Variants in ZIM2 observed in about 807,000 individuals in gnomAD.
ZIM2 encodes zinc finger protein 656.
Under a neutral mutation model 38.6 loss-of-function variants are expected in ZIM2, and 14 were observed. That is an observed-to-expected ratio of 0.36 (90% CI 0.24 to 0.57). The LOEUF (loss-of-function observed/expected upper bound fraction) is 0.57. Among genes scored for constraint, ZIM2 ranks in the 20% least tolerant of loss-of-function variants. ZIM2 has a pLI of 0.81. For synonymous variants in ZIM2, 247 were observed against 245.8 expected (o/e 1.00, Z -0.04); for missense variants, 680 against 695.1 (o/e 0.98, Z 0.24).
Position 56,814,243 on chromosome 19 carries a change from T to G in ZIM2, c.490+3503A>C. The G allele has an allele frequency of 6.2e-7, 1 of 1,613,440 alleles. No individual in the cohort carries two copies. Among genetic ancestry groups the G allele is most frequent in the Non-Finnish European group, 8.5e-7 (1 of 1,179,924 alleles). ...AGCCTCCACTTCTGGCTCGGCAGCC[T>G]CCACTTCTGGCTCAGCAGCCTCTAC... On this transcript the variant is annotated intron_variant, in intron 9 of 12. Transcript: ENST00000629319. This position sits in a 1 kb window ranked among gnomAD's most constrained non-coding sequence, Gnocchi z 5.8.
At chr19:56,787,694 A>G (rs1043256210) in intron 10 of ZIM2, among the ~76,000 whole-genome samples, 7 of 147,466 alleles carry the variant, frequency 4.7e-5, no homozygotes, top group Non-Finnish European at 8.9e-5. Context: ...TCGGCTGTCA[A>G]TCTGTCTGGT....
rs985432407 is a variant in ZIM2, at chr19:56,782,549, A to G, written c.571-428T>C. The stretch of plus-strand genomic sequence containing the variant: ...CAAGGAGATGAAAATCAAAATGACA[A>G]AATACCATTTTATACCCATTCAATT... On this transcript the variant is annotated intron_variant, in intron 10 of 12. Coordinates refer to ENST00000629319, the MANE Select transcript of ZIM2 (RefSeq NM_001387356.1). The G allele has an allele frequency of 1.4e-5, 6 of 433,246 alleles. No individual in the cohort carries two copies. The East Asian group carries it at 4.2e-4, about 31-fold the overall frequency. The allele number at this position is 433,246 out of a possible 1,614,324, so 26.8% of individuals were successfully genotyped here. A position where few individuals can be genotyped will look rare whatever the true frequency, so the allele number is the denominator to read the frequency against.
At chr19:56,780,238 CT>C in intron 11 of ZIM2, among the ~76,000 whole-genome samples, 1 of 134,276 alleles carries the variant, frequency 7.4e-6, no homozygotes, top group African/African-American at 2.8e-5. Context: ...TGCTTATTTT[CT>C]TTTTTCTTTT....
chr19:56,821,509 G>A (rs2060483621), intron 7 of ZIM2, 142 bp downstream of exon 7: 1 of 979,420 alleles, frequency 1.0e-6, no homozygotes, highest in African/African-American at 1.6e-5. Context: ...TAAGGGATGG[G>A]CCCGGGCTCC....
chr19:56,795,796 G>A (rs1207871854), intron 9 of ZIM2, among the ~76,000 whole-genome samples: 1 of 152,068 alleles, frequency 6.6e-6, no homozygotes, highest in Non-Finnish European at 1.5e-5. Flanking sequence ...AGCCGAGATC[G>A]CGCCACTGCA....
intron 8 of ZIM2, 33 bp from the exon 9 acceptor site, chr19:56,817,871 C>G: frequency 6.5e-7 from 1 of 1,538,834 alleles, no homozygotes; most frequent in Non-Finnish European, 9.0e-7. Context: ...GCCTCAAATT[C>G]AAGTTGAGGA....
intron 9 of ZIM2, among the ~76,000 whole-genome samples, chr19:56,803,263 T>C (rs1411101629): frequency 1.3e-5 from 2 of 152,186 alleles, no homozygotes; most frequent in Non-Finnish European, 2.9e-5. Context: ...CATCTGAAGA[T>C]GGTTACCTAT....
intron 4 of ZIM2, among the ~76,000 whole-genome samples, chr19:56,823,942 C>T (rs1299234730): frequency 6.6e-6 from 1 of 152,122 alleles, no homozygotes; most frequent in Non-Finnish European, 1.5e-5. Flanking sequence ...TAGCACACCA[C>T]ACCAAAAAGG....
chr19:56,785,348 A>G (rs548418446), intron 10 of ZIM2, among the ~76,000 whole-genome samples: 1 of 152,142 alleles, frequency 6.6e-6, no homozygotes, highest in Non-Finnish European at 1.5e-5. Context: ...ATATTCTAGA[A>G]CAGTGTTTCT....
rs369100488 is a variant in ZIM2 at position 56,779,444 on chromosome 19, G to A, written c.768C>T (p.Ile256=). The change falls in exon 12 of 13, where the codon ATC becomes ATT. Residue 256 remains isoleucine, a synonymous_variant. Coordinates refer to ENST00000629319, the MANE Select transcript of ZIM2 (RefSeq NM_001387356.1). The part of the protein sequence containing the change: ...LGHQFSKPDI[I]SRLEEEESYA... ...ATGATTCCTCCTCTTCCAGGCGTGAGATAATGTCAGGTTTAGAGAACTGGT... is the reference window on the plus strand; with the variant it reads ...ATGATTCCTCCTCTTCCAGGCGTGAAATAATGTCAGGTTTAGAGAACTGGT... 7.4e-6 allele frequency: 12 copies of A among 1,613,830 alleles called. No individual in the cohort carries two copies. Among genetic ancestry groups the A allele is most frequent in the Non-Finnish European group, 9.3e-6 (11 of 1,179,916 alleles).
intron 11 of ZIM2, among the ~76,000 whole-genome samples, chr19:56,780,219 A>C (rs2145848145): frequency 6.7e-6 from 1 of 149,396 alleles, no homozygotes; most frequent in African/African-American, 2.5e-5. Flanking sequence ...TTTCTTTTTA[A>C]CTTAGATATG....
At position 56,783,114 on chromosome 19, in the gene ZIM2, T is replaced by C. The variant is rs571873073; in HGVS notation, c.571-993A>G. Among the ~76,000 whole-genome samples, 228 of 152,216 alleles carry C rather than the reference T, an allele frequency of 1.5e-3. 1 individual carries two copies. Among genetic ancestry groups the C allele is most frequent in the Non-Finnish European group, 2.4e-3 (165 of 68,020 alleles). ...ATTTACTCATGTGTACTTAAAGACA[T>C]GGATGGGCATGTTTATTATAGCATG... On this transcript the variant is annotated intron_variant, in intron 10 of 12. Coordinates refer to ENST00000629319, the MANE Select transcript of ZIM2 (RefSeq NM_001387356.1).
chr19:56,822,675 C>T, intron 6 of ZIM2, 78 bp downstream of exon 6: 1 of 1,565,464 alleles, frequency 6.4e-7, no homozygotes, highest in Non-Finnish European at 8.7e-7. Context: ...ACTTCGAGGC[C>T]CTGGCACTTT....
chr19:56,776,112 A>G (rs55920106), intron 12 of ZIM2, among the ~76,000 whole-genome samples: 6 of 110,300 alleles, frequency 5.4e-5, no homozygotes, highest in African/African-American at 1.2e-4. Context: ...AAAAAAAAAA[A>G]AAAAAAAAAA....
chr19:56,817,551 T>G lies in ZIM2; in HGVS notation c.490+195A>C, dbSNP rs143368073. On this transcript the variant is annotated intron_variant, in intron 9 of 12. Coordinates refer to ENST00000629319, the MANE Select transcript of ZIM2 (RefSeq NM_001387356.1). The stretch of plus-strand genomic sequence containing the variant: ...CACAAATCCCCCGCCGGTGGGTTGA[T>G]TTTTTGGCTTCAGGCATAGTTTTTA... 1.9e-6 allele frequency: 3 copies of G among 1,594,564 alleles called. No individual in the cohort carries two copies. In the Admixed American group the frequency reaches 5.2e-5, roughly 28 times the overall value.
At chr19:56,820,221 G>A (rs1371783144) in intron 7 of ZIM2, among the ~76,000 whole-genome samples, 1 of 152,202 alleles carries the variant, frequency 6.6e-6, no homozygotes, top group Non-Finnish European at 1.5e-5. Flanking sequence ...TTCACAACAT[G>A]ATCTATACAT....
At chr19:56,788,293 C>T (rs1299648828) in intron 10 of ZIM2, among the ~76,000 whole-genome samples, 1 of 152,156 alleles carries the variant, frequency 6.6e-6, no homozygotes, top group Non-Finnish European at 1.5e-5. Context: ...CCCAGAGATT[C>T]TGGTACGTTG....
In ZIM2 at chr19:56,774,774, C is replaced by T. The variant is rs763668075; in HGVS notation, c.1591G>A (p.Gly531Arg). ...TATGAGGGTCGGCCGAAACATTTCCCACATAGCTGACACTGGTAAGGCCTC... is the reference window on the plus strand; with the variant it reads ...TATGAGGGTCGGCCGAAACATTTCCTACATAGCTGACACTGGTAAGGCCTC... The part of the protein sequence containing the change: ...QERPYQCQLC[G>R]KCFGRPSYLT... The change falls in exon 13 of 13, where the codon GGG (glycine) becomes AGG (arginine). Residue 531 changes from glycine (G) to arginine (R), a missense_variant. Gly to Arg is a moderately radical substitution (Grantham distance 125). Transcript: ENST00000629319. The T allele has an allele frequency of 6.1e-5, 99 of 1,614,006 alleles. 2 individuals are homozygous for T. The South Asian group carries it at 9.8e-4, about 16-fold the overall frequency.
At chr19:56,779,577 A>G in intron 11 of ZIM2, 105 bp from the exon 12 acceptor site, 1 of 1,070,838 alleles carries the variant, frequency 9.3e-7, no homozygotes, top group Non-Finnish European at 1.4e-6. Flanking sequence ...CAGGAGTAAA[A>G]TGAAGCCTGT....
Sources: allele counts gnomAD v4.1 joint callset (sites outside exome capture counted in the v4.1 genomes callset), GRCh38; gene constraint gnomAD v4.1.1; non-coding constraint Gnocchi (gnomAD v3.1); transcripts MANE v1.5; gene names NCBI Gene and HGNC (gene_info 2026-07-23, HGNC 2026-07-21).